Variants in FCHSD2 observed in about 807,000 individuals in gnomAD.
FCHSD2 encodes FCH and double SH3 domains 2.
FCHSD2 carries 38 observed loss-of-function variants against 108.1 expected under a neutral mutation model. That is an observed-to-expected ratio of 0.35 (90% CI 0.27 to 0.46). FCHSD2 has a LOEUF of 0.46. Ranked by LOEUF, FCHSD2 falls within the 20% of genes least tolerant of loss-of-function variation. The pLI is 1.00. For missense variants in FCHSD2, 751 were observed against 897.8 expected (o/e 0.84, Z 2.09); for synonymous variants, 279 against 314.7 (o/e 0.89, Z 1.20).
chr11:73,006,432 T>C (rs375406196), intron 4 of FCHSD2, among the ~76,000 whole-genome samples: 1 of 152,212 alleles, frequency 6.6e-6, no homozygotes, highest in South Asian at 2.1e-4. Context: ...GGAATCATCA[T>C]TGATTCCTCA....
chr11:73,027,173 G>C (rs954818885), intron 3 of FCHSD2, among the ~76,000 whole-genome samples: 2 of 152,150 alleles, frequency 1.3e-5, no homozygotes, highest in African/African-American at 4.8e-5. Context: ...CGGAAAGTTT[G>C]GAACTTCCTA....
At chr11:72,953,956 G>A (rs1242607898) in intron 8 of FCHSD2, among the ~76,000 whole-genome samples, 1 of 152,106 alleles carries the variant, frequency 6.6e-6, no homozygotes, top group Non-Finnish European at 1.5e-5. Flanking sequence ...AGATGACCTA[G>A]GACTTTGATA....
chr11:73,059,148 G>A (rs907628347), intron 3 of FCHSD2, among the ~76,000 whole-genome samples: 3 of 152,166 alleles, frequency 2.0e-5, no homozygotes, highest in Admixed American at 2.0e-4. Context: ...CATAAGGTAA[G>A]TCTAGCTCAA....
chr11:73,088,516 G>A (rs541051900), intron 2 of FCHSD2, among the ~76,000 whole-genome samples: 1 of 151,980 alleles, frequency 6.6e-6, no homozygotes, highest in African/African-American at 2.4e-5. Flanking sequence ...TTTTCTCTGG[G>A]TCATGGTATT....
intron 4 of FCHSD2, among the ~76,000 whole-genome samples, chr11:73,003,200 T>C (rs1857662601): frequency 6.6e-6 from 1 of 152,212 alleles, no homozygotes; most frequent in Non-Finnish European, 1.5e-5. Context: ...GTTCTAGTTT[T>C]AACAAAATAA....
Position 73,085,387 on chromosome 11 carries a change from A to G in FCHSD2, c.120-1647T>C, listed in dbSNP as rs551921979. On this transcript the variant is annotated intron_variant, in intron 2 of 19. Transcript: ENST00000409418. ...ATCATGTAACCATTTTGGAACTAGG[A>G]GTCAACTGAAAGAGAGGGGATGACC... Among the ~76,000 whole-genome samples, 21 of 152,294 alleles carry G rather than the reference A, an allele frequency of 1.4e-4. No homozygotes were observed. The South Asian group carries it at 4.4e-3, about 32-fold the overall frequency.
At chr11:72,900,476 G>T (rs1054121824) in intron 10 of FCHSD2, 19 of 605,790 alleles carry the variant, frequency 3.1e-5, no homozygotes, top group Middle Eastern at 2.5e-4. Flanking sequence ...AAAGTGAGAT[G>T]AGAGTCACTG....
chr11:72,982,150 C>T (rs561120127), intron 8 of FCHSD2, among the ~76,000 whole-genome samples: 1 of 152,272 alleles, frequency 6.6e-6, no homozygotes, highest in South Asian at 2.1e-4. Flanking sequence ...GGATTTCAGG[C>T]AGTGAACAAA....
At chr11:72,956,487 C>G (rs1856713115) in intron 8 of FCHSD2, among the ~76,000 whole-genome samples, 2 of 152,152 alleles carry the variant, frequency 1.3e-5, no homozygotes, top group Admixed American at 1.3e-4. Flanking sequence ...GACTTATAAT[C>G]AACAGGTTAT....
At chr11:73,098,312 G>T (rs1031361741) in intron 2 of FCHSD2, among the ~76,000 whole-genome samples, 4 of 151,964 alleles carry the variant, frequency 2.6e-5, no homozygotes, top group African/African-American at 9.7e-5. Flanking sequence ...TGATCTACTC[G>T]TTGTTTAAGA....
intron 3 of FCHSD2, among the ~76,000 whole-genome samples, chr11:73,019,425 G>T (rs940683531): frequency 1.3e-5 from 2 of 152,108 alleles, no homozygotes; most frequent in Non-Finnish European, 2.9e-5. Flanking sequence ...CTTTGTAAAA[G>T]AAATCATTTT....
intron 8 of FCHSD2, among the ~76,000 whole-genome samples, chr11:72,922,687 C>T (rs1460564527): frequency 4.6e-5 from 7 of 151,918 alleles, no homozygotes; most frequent in Non-Finnish European, 8.8e-5. Context: ...ATACATATGA[C>T]ATATACACTA....
chr11:73,015,714 A>G, intron 4 of FCHSD2, 95 bp downstream of exon 4: 1 of 657,116 alleles, frequency 1.5e-6, no homozygotes, highest in Non-Finnish European at 2.6e-6. Flanking sequence ...GAAAGAAGTA[A>G]TTCTTTTAAA....
At chr11:73,006,972 T>C (rs182533272) in intron 4 of FCHSD2, among the ~76,000 whole-genome samples, 1 of 152,334 alleles carries the variant, frequency 6.6e-6, no homozygotes, top group Admixed American at 6.5e-5. Context: ...GTAACAATGC[T>C]GAACATTAAA....
intron 2 of FCHSD2, among the ~76,000 whole-genome samples, chr11:73,122,413 T>C (rs562104398): frequency 1.3e-5 from 2 of 152,276 alleles, no homozygotes; most frequent in Non-Finnish European, 2.9e-5. Flanking sequence ...AAAGCAGGTA[T>C]ACAGGCATCC....
intron 14 of FCHSD2, among the ~76,000 whole-genome samples, chr11:72,849,320 C>T (rs1038931466): frequency 6.6e-6 from 1 of 152,222 alleles, no homozygotes; most frequent in Admixed American, 6.5e-5. Flanking sequence ...TACACATACA[C>T]AGACAAAATT....
At chr11:72,992,170 A>T (rs1376513575) in intron 5 of FCHSD2, among the ~76,000 whole-genome samples, 1 of 152,178 alleles carries the variant, frequency 6.6e-6, no homozygotes, top group African/African-American at 2.4e-5. Context: ...CAACTGCTTC[A>T]AAGAGAATAA....
intron 3 of FCHSD2, among the ~76,000 whole-genome samples, chr11:73,071,567 G>A (rs1859437346): frequency 6.6e-6 from 1 of 151,994 alleles, no homozygotes; most frequent in Non-Finnish European, 1.5e-5. Context: ...TGGGCATGGT[G>A]GTGTGTGCCC....
At chr11:72,860,583 T>C (rs1350505666) in intron 13 of FCHSD2, among the ~76,000 whole-genome samples, 1 of 152,126 alleles carries the variant, frequency 6.6e-6, no homozygotes, top group African/African-American at 2.4e-5. Context: ...AGTGGCTCAC[T>C]CCTATAATCC....
Sources: gnomAD v4.1 joint callset for allele counts (sites outside exome capture counted in the v4.1 genomes callset) on GRCh38, gnomAD v4.1.1 for gene constraint, MANE v1.5 for transcripts, NCBI Gene and HGNC (gene_info 2026-07-23, HGNC 2026-07-21) for gene names.